The following DGKD variants were observed in gnomAD, a reference collection of about 807,000 sequenced individuals.
DGKD encodes DAG kinase delta.
Under a neutral mutation model 154.4 loss-of-function variants are expected in DGKD, and 68 were observed. The observed-to-expected ratio is 0.44, with a 90% CI of 0.36 to 0.54. DGKD has a LOEUF of 0.54. Among genes scored for constraint, DGKD ranks in the 20% least tolerant of loss-of-function variants. DGKD has a pLI of 0.00. For synonymous variants in DGKD, 693 were observed against 638.0 expected, an observed-to-expected ratio of 1.09 and a Z score of -1.30; for missense variants, 1,343 against 1,593.6, an observed-to-expected ratio of 0.84 and a Z score of 2.68.
chr2:233,448,607 A>G (rs2063162659), intron 14 of DGKD, among the ~76,000 whole-genome samples: 1 of 152,250 alleles, frequency 6.6e-6, no homozygotes, highest in Non-Finnish European at 1.5e-5. Flanking sequence ...CAGCGGCTCA[A>G]GGGTCCAGAC....
rs2063147866 is a variant in DGKD, at chr2:233,448,177, G to A, written c.1510G>A (p.Ala504Thr). The change falls in exon 13 of 30, where the codon GCC (alanine) becomes ACC (threonine). Residue 504 changes from alanine to threonine, a missense_variant. Ala to Thr is a moderately conservative substitution (Grantham distance 58). Coordinates refer to ENST00000264057, the MANE Select transcript of DGKD (RefSeq NM_152879.3). ...CCAGCACTCGGTGGTCATCTCCTCG[G>A]CCAAGTGAGTGCCTGGTGGCCCTGG... ...SDQHSVVISS[A>T]KVLCETVKDF... 1 of 1,613,872 alleles carries A rather than the reference G, an allele frequency of 6.2e-7. No individual in the cohort carries two copies. The highest frequency in any genetic ancestry group is 1.7e-5 in the Admixed American group (1 of 59,992).
chr2:233,409,342 T>C (rs1210482362), intron 3 of DGKD, among the ~76,000 whole-genome samples: 1 of 152,184 alleles, frequency 6.6e-6, no homozygotes, highest in Non-Finnish European at 1.5e-5. Flanking sequence ...ATTATAGTAA[T>C]TTAGTAAGGG....
intron 27 of DGKD, among the ~76,000 whole-genome samples, chr2:233,465,933 A>G (rs2063810101): frequency 6.6e-6 from 1 of 152,230 alleles, no homozygotes; most frequent in Admixed American, 6.5e-5. Flanking sequence ...CAATATAAAA[A>G]TAAAATTGCA....
intron 9 of DGKD, among the ~76,000 whole-genome samples, chr2:233,439,966 A>AT (rs1255754292): frequency 6.6e-6 from 1 of 152,180 alleles, no homozygotes; most frequent in Non-Finnish European, 1.5e-5. Context: ...TGAGGTTGTT[A>AT]TTAAACATGG....
chr2:233,385,796 C>G, intron 1 of DGKD: 1 of 369,432 alleles, frequency 2.7e-6, no homozygotes, highest in East Asian at 7.4e-5. Flanking sequence ...ATAGTACTCA[C>G]AAGCAGCGAA....
At chr2:233,389,575 A>T (rs1703440819) in intron 2 of DGKD, among the ~76,000 whole-genome samples, 1 of 62,366 alleles carries the variant, frequency 1.6e-5, no homozygotes, top group Non-Finnish European at 2.7e-5. Flanking sequence ...CCCTCAATTA[A>T]AAAAAAAAAA....
intron 5 of DGKD, among the ~76,000 whole-genome samples, chr2:233,435,543 T>C: frequency 6.6e-6 from 1 of 152,362 alleles, no homozygotes; most frequent in East Asian, 1.9e-4. Context: ...CAGAGTTGAT[T>C]AGTGGTGACG....
chr2:233,419,760 C>T (rs2062055967), intron 3 of DGKD, among the ~76,000 whole-genome samples: 1 of 152,134 alleles, frequency 6.6e-6, no homozygotes, highest in Non-Finnish European at 1.5e-5. Context: ...CACTACAGAG[C>T]CCAGATTTGT....
chr2:233,454,515 A>AG, intron 18 of DGKD: 2 of 500,692 alleles, frequency 4.0e-6, no homozygotes, highest in South Asian at 3.3e-5. Flanking sequence ...CTTTCTCTTT[A>AG]GGGGGATGAA....
chr2:233,450,709 C>T (rs551335324), intron 16 of DGKD, among the ~76,000 whole-genome samples: 7 of 152,254 alleles, frequency 4.6e-5, no homozygotes, highest in Non-Finnish European at 7.4e-5. Flanking sequence ...CCACCTGTGG[C>T]CTGTGTTAAC....
At position 233,452,647 on chromosome 2, in the gene DGKD, G is replaced by A. The variant is rs957640679; in HGVS notation, c.2264+587G>A. The stretch of plus-strand genomic sequence containing the variant: ...CGTGCTGATACTGCTACTCCTTGGG[G>A]GACAAGGCCTTCTTCCTCTGCTGGC... On this transcript the variant is annotated intron_variant, in intron 18 of 29. Coordinates refer to ENST00000264057, the MANE Select transcript of DGKD (RefSeq NM_152879.3). The surrounding 1 kb of genome is among the most constrained non-coding windows in gnomAD (Gnocchi z 4.0). Among the ~76,000 whole-genome samples the A allele has an allele frequency of 6.6e-6, 1 of 152,152 alleles. No individual in the cohort carries two copies. Among genetic ancestry groups the A allele is most frequent in the Admixed American group, 6.5e-5 (1 of 15,280 alleles).
chr2:233,357,231 C>G (rs1159708224), intron 1 of DGKD, among the ~76,000 whole-genome samples: 2 of 152,170 alleles, frequency 1.3e-5, no homozygotes, highest in African/African-American at 4.8e-5. Context: ...GCCTGGGAAC[C>G]CTGGCCTTGC....
At chr2:233,417,190 G>A (rs1160262049) in intron 3 of DGKD, among the ~76,000 whole-genome samples, 1 of 151,954 alleles carries the variant, frequency 6.6e-6, no homozygotes, top group Non-Finnish European at 1.5e-5. Flanking sequence ...CCGCCACCAC[G>A]CCTGGCTAAT....
At chr2:233,454,310 C>T (rs922911960) in intron 18 of DGKD, 4 of 457,950 alleles carry the variant, frequency 8.7e-6, no homozygotes, top group African/African-American at 4.1e-5. Context: ...GAAGCGCTAA[C>T]ACATGTTATA....
At chr2:233,379,992 G>A (rs1702799516) in intron 1 of DGKD, 1 of 152,222 alleles carries the variant, frequency 6.6e-6, no homozygotes, top group African/African-American at 2.4e-5. Context: ...CAGGGGTTCT[G>A]ATGTGGTGGT....
chr2:233,388,762 T>C (rs1703373327), intron 2 of DGKD: 2 of 126,926 alleles, frequency 1.6e-5, no homozygotes, highest in Admixed American at 7.6e-5. Flanking sequence ...TTTTTTTTTT[T>C]TGAGAGGGAG....
Position 233,425,466 on chromosome 2 carries a change from T to C in DGKD, c.349-8914T>C, listed in dbSNP as rs918315904. ...CCTCCCAAAGTGCTGGGATTACAGG[T>C]GTGAGCCACTGTGCCCGGCCGACTT... On this transcript the variant is annotated intron_variant, in intron 3 of 29. Coordinates refer to ENST00000264057, the MANE Select transcript of DGKD (RefSeq NM_152879.3). 5.3e-5 allele frequency among the ~76,000 whole-genome samples: 8 copies of C among 152,322 alleles called. No individual in the cohort carries two copies. The East Asian group carries it at 5.8e-4, about 11-fold the overall frequency.
At chr2:233,418,900 C>T (rs949459641) in intron 3 of DGKD, among the ~76,000 whole-genome samples, 17 of 152,216 alleles carry the variant, frequency 1.1e-4, no homozygotes, top group Non-Finnish European at 1.9e-4. Flanking sequence ...CCTGGGCACT[C>T]AGGCTCTTTC....
chr2:233,367,429 A>G (rs1226043501), intron 1 of DGKD, among the ~76,000 whole-genome samples: 2 of 151,970 alleles, frequency 1.3e-5, no homozygotes, highest in African/African-American at 4.8e-5. Context: ...GGGTTTCACC[A>G]TGTTGGCCAG....
Sources: allele counts gnomAD v4.1 joint callset (sites outside exome capture counted in the v4.1 genomes callset), GRCh38; gene constraint gnomAD v4.1.1; non-coding constraint Gnocchi (gnomAD v3.1); transcripts MANE v1.5; gene names NCBI Gene and HGNC (gene_info 2026-07-23, HGNC 2026-07-21).